CCSER1: variants seen among roughly 807,000 people sequenced by gnomAD.
CCSER1 encodes coiled-coil serine rich protein 1.
A neutral mutation model predicts 82.0 loss-of-function variants in CCSER1; 41 were observed. The ratio of observed to expected loss-of-function variants is 0.50; its 90% confidence interval spans 0.39 to 0.65. CCSER1 has a LOEUF of 0.65. CCSER1 is among the 30% of genes least tolerant of loss of function. The probability of loss-of-function intolerance (pLI) is 0.00; values close to 1 mark genes in which losing one functional copy is unlikely to be tolerated. For synonymous variants in CCSER1, 414 were observed against 383.9 expected, an observed-to-expected ratio of 1.08 and a Z score of -0.92; for missense variants, 1,119 against 1,064.2, an observed-to-expected ratio of 1.05 and a Z score of -0.72.
intron 10 of CCSER1, among the ~76,000 whole-genome samples, chr4:91,162,799 T>C (rs988800688): frequency 1.3e-5 from 2 of 152,184 alleles, no homozygotes; most frequent in Non-Finnish European, 2.9e-5. Context: ...TTTTTTATTG[T>C]GTCTATTTGA....
At chr4:90,374,278 T>C (rs2153527443) in intron 3 of CCSER1, among the ~76,000 whole-genome samples, 1 of 152,306 alleles carries the variant, frequency 6.6e-6, no homozygotes, top group South Asian at 2.1e-4. Flanking sequence ...AAGCAATAAA[T>C]TATCCTTCAC....
chr4:91,530,315 G>T (rs1454276939), intron 10 of CCSER1, among the ~76,000 whole-genome samples: 1 of 151,836 alleles, frequency 6.6e-6, no homozygotes, highest in Non-Finnish European at 1.5e-5. Context: ...GTATATGAAT[G>T]CTATAAACAA....
intron 4 of CCSER1, among the ~76,000 whole-genome samples, chr4:90,424,085 T>A (rs1229387087): frequency 6.7e-6 from 1 of 150,186 alleles, no homozygotes. Context: ...AGCAAGTCTC[T>A]GTCTCAAAAA....
intron 9 of CCSER1, among the ~76,000 whole-genome samples, chr4:90,937,700 T>C (rs1731126342): frequency 6.6e-6 from 1 of 152,180 alleles, no homozygotes; most frequent in Non-Finnish European, 1.5e-5. Context: ...TTTTTAGGTT[T>C]CATTTTGGTT....
Position 90,492,582 on chromosome 4 carries a change from G to T in CCSER1, c.1724+24228G>T, listed in dbSNP as rs185402428. Among the ~76,000 whole-genome samples the T allele has an allele frequency of 7.2e-5, 11 of 152,122 alleles. No homozygotes were observed. In the East Asian group the frequency reaches 1.9e-3, roughly 27 times the overall value. On this transcript the variant is annotated intron_variant, in intron 5 of 10. Coordinates refer to ENST00000509176, the MANE Select transcript of CCSER1 (RefSeq NM_001145065.2). ...TTAGCTTTTGAATGTGTTTACTCTT[G>T]CTTCTCTAGTTGCTTTAATTGTGAT...
rs189394511 is a variant in CCSER1 at position 91,058,452 on chromosome 4, T to C, written c.2173-27498T>C. On this transcript the variant is annotated intron_variant, in intron 9 of 10. Coordinates refer to ENST00000509176, the MANE Select transcript of CCSER1 (RefSeq NM_001145065.2). ...CCCTCTTGTAATGTTTTCTGCTAAA[T>C]AGCTACCATGGTCTGGCACTGAGGC... Among the ~76,000 whole-genome samples the C allele has an allele frequency of 2.6e-5, 4 of 152,276 alleles. No individual in the cohort carries two copies. In the East Asian group the frequency reaches 7.7e-4, roughly 29 times the overall value.
At chr4:90,159,000 G>C (rs1182473134) in intron 1 of CCSER1, among the ~76,000 whole-genome samples, 3 of 152,100 alleles carry the variant, frequency 2.0e-5, no homozygotes, top group African/African-American at 7.2e-5. Context: ...GACCGGCGCT[G>C]TTCCTATTCG....
At chr4:91,015,015 A>G (rs1276908050) in intron 9 of CCSER1, among the ~76,000 whole-genome samples, 2 of 152,148 alleles carry the variant, frequency 1.3e-5, no homozygotes, top group African/African-American at 2.4e-5. Context: ...CAATATCAAT[A>G]CAAACTTACT....
chr4:91,409,188 A>G (rs542325762), intron 10 of CCSER1, among the ~76,000 whole-genome samples: 1 of 152,310 alleles, frequency 6.6e-6, no homozygotes, highest in Non-Finnish European at 1.5e-5. Flanking sequence ...AGTAAAGATT[A>G]AACAATCTTC....
intron 5 of CCSER1, among the ~76,000 whole-genome samples, chr4:90,602,449 G>C (rs1214221407): frequency 2.0e-5 from 3 of 152,004 alleles, no homozygotes; most frequent in Non-Finnish European, 4.4e-5. Flanking sequence ...GGCTTGATCA[G>C]ATTTGACAAA....
At chr4:91,570,005 C>T (rs1763092670) in intron 10 of CCSER1, among the ~76,000 whole-genome samples, 1 of 152,122 alleles carries the variant, frequency 6.6e-6, no homozygotes, top group Non-Finnish European at 1.5e-5. Flanking sequence ...TAAATACACC[C>T]ATTCCAAATG....
intron 10 of CCSER1, among the ~76,000 whole-genome samples, chr4:91,103,061 G>T (rs575973094): frequency 6.6e-6 from 1 of 152,002 alleles, no homozygotes; most frequent in Admixed American, 6.6e-5. Context: ...GCTGTGTAAC[G>T]TATTTAGTTC....
At chr4:91,007,875 G>C (rs375927047) in intron 9 of CCSER1, among the ~76,000 whole-genome samples, 13 of 152,090 alleles carry the variant, frequency 8.5e-5, no homozygotes, top group South Asian at 8.3e-4. Flanking sequence ...ATTGATGCTT[G>C]TTGCCATATA....
At position 90,368,284 on chromosome 4, in the gene CCSER1, A is replaced by C. The variant is rs573457080; in HGVS notation, c.1510-31752A>C. Among the ~76,000 whole-genome samples the C allele has an allele frequency of 5.3e-5, 8 of 152,022 alleles. No homozygotes were observed. In the East Asian group the frequency reaches 1.4e-3, roughly 26 times the overall value. On this transcript the variant is annotated intron_variant, in intron 3 of 10. Transcript: ENST00000509176. ...GGACCCATGAGCACTTATGAGAAAA[A>C]CCAAAAACAAATGAAATTTTGTCAA... is the stretch of plus-strand genomic sequence containing the variant.
intron 6 of CCSER1, among the ~76,000 whole-genome samples, chr4:90,683,821 T>G (rs1734318252): frequency 6.6e-6 from 1 of 151,954 alleles, no homozygotes; most frequent in Admixed American, 6.6e-5. Flanking sequence ...AGTAGTAAAC[T>G]AATGAGGGAT....
At chr4:91,107,431 A>G (rs142477825) in intron 10 of CCSER1, among the ~76,000 whole-genome samples, 5,105 of 151,924 alleles carry the variant, frequency 0.034, 124 homozygotes, top group Non-Finnish European at 0.052. Flanking sequence ...ATTTTTTTGT[A>G]TTTTTAGTAG....
At chr4:91,367,825 AATT>A (rs1204168506) in intron 10 of CCSER1, among the ~76,000 whole-genome samples, 2 of 152,138 alleles carry the variant, frequency 1.3e-5, no homozygotes, top group Admixed American at 6.6e-5. Flanking sequence ...TATCACCTGG[AATT>A]ATTCCTTACA....
At chr4:91,331,221 T>C (rs969013882) in intron 10 of CCSER1, among the ~76,000 whole-genome samples, 5 of 152,166 alleles carry the variant, frequency 3.3e-5, no homozygotes, top group Admixed American at 1.3e-4. Flanking sequence ...GTTGAATAAC[T>C]CAATTTTTTA....
chr4:91,141,284 G>C (rs544519148), intron 10 of CCSER1, among the ~76,000 whole-genome samples: 1 of 151,998 alleles, frequency 6.6e-6, no homozygotes, highest in African/African-American at 2.4e-5. Context: ...CTCCTGAGTA[G>C]TTGGAATTAC....
Sources: gnomAD v4.1 joint callset for allele counts (sites outside exome capture counted in the v4.1 genomes callset) on GRCh38, gnomAD v4.1.1 for gene constraint, MANE v1.5 for transcripts, NCBI Gene and HGNC (gene_info 2026-07-23, HGNC 2026-07-21) for gene names.